TSPEAR: variants seen among roughly 807,000 people sequenced by gnomAD.
TSPEAR encodes thrombospondin type laminin G domain and EAR repeats.
Under a neutral mutation model 71.6 loss-of-function variants are expected in TSPEAR, and 69 were observed. The ratio of observed to expected loss-of-function variants is 0.96; its 90% CI spans 0.79 to 1.18. The LOEUF (loss-of-function observed/expected upper bound fraction) is 1.18, where lower values mean the gene tolerates loss of function less well. Among genes scored for constraint, TSPEAR ranks in the 50% most tolerant of loss-of-function variants. The pLI, the probability that TSPEAR is intolerant of heterozygous loss-of-function variation, is 0.00. For missense variants in TSPEAR, 971 were observed against 894.9 expected, an observed-to-expected ratio of 1.09 and a Z score of -1.09; for synonymous variants, 402 against 387.2, an observed-to-expected ratio of 1.04 and a Z score of -0.45.
intron 1 of TSPEAR, among the ~76,000 whole-genome samples, chr21:44,709,350 T>G (rs1217994932): frequency 6.6e-6 from 1 of 152,236 alleles, no homozygotes; most frequent in Non-Finnish European, 1.5e-5. Flanking sequence ...GGCTTCCTAC[T>G]GTGTGGTGTA....
Position 44,612,170 on chromosome 21 carries a change from G to T in TSPEAR, c.83-44165C>A, listed in dbSNP as rs111668637. 3.1e-6 allele frequency: 5 copies of T among 1,614,002 alleles called. No individual in the cohort carries two copies. The highest frequency in any genetic ancestry group is 4.5e-5 in the East Asian group (2 of 44,870). The stretch of plus-strand genomic sequence containing the variant: ...CACCATGTCTGTCTGCTCCAGTGAC[G>T]TGGGCCATGTCAGCCGAGTCTCCTC... On this transcript the variant is annotated intron_variant, in intron 1 of 11. Transcript: ENST00000323084. This position sits in a 1 kb window ranked among gnomAD's most constrained non-coding sequence, Gnocchi z 4.1.
At chr21:44,551,570 C>A (rs1448884139) in intron 2 of TSPEAR, 2 of 1,439,678 alleles carry the variant, frequency 1.4e-6, no homozygotes, top group Non-Finnish European at 1.9e-6. Context: ...CTTTTATATG[C>A]CCAGGGCCTG....
intron 1 of TSPEAR, chr21:44,677,140 A>G (rs79184150): frequency 0.042 from 29,741 of 714,968 alleles, 747 homozygotes; most frequent in Middle Eastern, 0.064. Context: ...ATCAACTATC[A>G]TGTTGTGAAG....
chr21:44,600,027 G>A (rs782061985), intron 1 of TSPEAR, among the ~76,000 whole-genome samples: 1 of 152,196 alleles, frequency 6.6e-6, no homozygotes, highest in Non-Finnish European at 1.5e-5. Flanking sequence ...TGAACCTGAC[G>A]GGAAATGGCT....
intron 1 of TSPEAR, among the ~76,000 whole-genome samples, chr21:44,637,065 A>C (rs1983621317): frequency 6.6e-6 from 1 of 152,176 alleles, no homozygotes; most frequent in African/African-American, 2.4e-5. Flanking sequence ...CACGCTGGGC[A>C]CAGTCACGGG....
chr21:44,527,402 G>C lies in TSPEAR; in HGVS notation c.1039C>G (p.Arg347Gly). ...TTGTAGACGGCGGATGTGGCTTTGC[G>C]ATTGGCTGTGGCCACAAAGAGCCCC... ...QVGLFVATAN[R>G]KATSAVYKWT... The change falls in exon 7 of 12, where the codon CGC (arginine) becomes GGC (glycine). Residue 347 changes from arginine (R) to glycine (G), a missense_variant. Coordinates refer to ENST00000323084, the MANE Select transcript of TSPEAR (RefSeq NM_144991.3). 2.5e-6 allele frequency: 4 copies of C among 1,614,218 alleles called. No homozygotes were observed. The highest frequency in any genetic ancestry group is 3.4e-6 in the Non-Finnish European group (4 of 1,180,050).
chr21:44,615,240 G>C (rs1555932145), intron 1 of TSPEAR, among the ~76,000 whole-genome samples: 1 of 152,256 alleles, frequency 6.6e-6, no homozygotes, highest in African/African-American at 2.4e-5. Flanking sequence ...GAGGCGAATG[G>C]AGCCAGCGCC....
intron 1 of TSPEAR, chr21:44,682,009 T>TCACGCACG (rs782420742): frequency 6.2e-7 from 1 of 1,609,768 alleles, no homozygotes; most frequent in South Asian, 1.1e-5. Context: ...GGCTTGAAGC[T>TCACGCACG]CACGGGCACG....
chr21:44,658,371 C>A, intron 1 of TSPEAR: 1 of 1,138,162 alleles, frequency 8.8e-7, no homozygotes, highest in Non-Finnish European at 1.3e-6. Context: ...GAAAAGCATG[C>A]CCAAGGAAAC....
At chr21:44,630,669 G>A (rs1983204123) in intron 1 of TSPEAR, among the ~76,000 whole-genome samples, 1 of 151,254 alleles carries the variant, frequency 6.6e-6, no homozygotes, top group South Asian at 2.1e-4. Context: ...GAAGTGAAGG[G>A]GAAGGCAGGA....
intron 1 of TSPEAR, chr21:44,591,458 G>A: frequency 1.2e-6 from 2 of 1,614,046 alleles, no homozygotes; most frequent in Non-Finnish European, 1.7e-6. Context: ...CGGCAGAGGA[G>A]GGAAACACAG....
rs376696639 is a variant in TSPEAR at position 44,654,313 on chromosome 21, T to C, written c.82+57120A>G. The C allele has an allele frequency of 2.6e-5, 42 of 1,613,830 alleles. No individual in the cohort carries two copies. Among genetic ancestry groups the C allele is most frequent in the East Asian group, 2.0e-4 (9 of 44,892 alleles). On this transcript the variant is annotated intron_variant, in intron 1 of 11. Coordinates refer to ENST00000323084, the MANE Select transcript of TSPEAR (RefSeq NM_144991.3). ...GGGGGTGCTCCAGGTGACAGGTCTA[T>C]AGACCAGGGTGGGGCAGAAGGGCTG...
At chr21:44,558,069 C>A (rs2053563884) in intron 2 of TSPEAR, 2 of 1,609,528 alleles carry the variant, frequency 1.2e-6, no homozygotes, top group Non-Finnish European at 1.7e-6. Flanking sequence ...GGACTTCTGG[C>A]CTGAGGAGAG....
chr21:44,518,444 A>AGATCT, intron 9 of TSPEAR: 1 of 386,192 alleles, frequency 2.6e-6, no homozygotes, highest in Non-Finnish European at 5.3e-6. Flanking sequence ...CGGTGTTGGT[A>AGATCT]GATCTAGGAT....
At chr21:44,665,432 A>G (rs1289922080) in intron 1 of TSPEAR, among the ~76,000 whole-genome samples, 1 of 152,264 alleles carries the variant, frequency 6.6e-6, no homozygotes, top group Non-Finnish European at 1.5e-5. Flanking sequence ...CAGCCCAGAC[A>G]GGGGAAATGC....
intron 1 of TSPEAR, among the ~76,000 whole-genome samples, chr21:44,587,002 C>A (rs886327032): frequency 6.6e-6 from 1 of 152,132 alleles, no homozygotes; most frequent in Non-Finnish European, 1.5e-5. Context: ...CCATTCTCAC[C>A]ACTTCTCTTC....
chr21:44,550,671 G>A, intron 2 of TSPEAR: 1 of 1,611,658 alleles, frequency 6.2e-7, no homozygotes, highest in Non-Finnish European at 8.5e-7. Context: ...GAGCCCGGCT[G>A]GCCCTGGGGG....
At chr21:44,551,044 A>G (rs782242774) in intron 2 of TSPEAR, 1 of 1,610,980 alleles carries the variant, frequency 6.2e-7, no homozygotes. Context: ...ACACGGCAGG[A>G]CTGCTGGCAG....
intron 8 of TSPEAR, among the ~76,000 whole-genome samples, chr21:44,523,236 A>G (rs1555914515): frequency 2.0e-5 from 3 of 151,554 alleles, no homozygotes; most frequent in Non-Finnish European, 4.4e-5. Context: ...TTTGTCAGTC[A>G]GGTAGTTGGT....
Sources: gnomAD v4.1 joint callset for allele counts (sites outside exome capture counted in the v4.1 genomes callset) on GRCh38, gnomAD v4.1.1 for gene constraint, Gnocchi (gnomAD v3.1) non-coding constraint, MANE v1.5 for transcripts, NCBI Gene and HGNC (gene_info 2026-07-23, HGNC 2026-07-21) for gene names.